Variants in ALCAM observed in about 807,000 individuals in gnomAD.
The protein encoded by ALCAM is activated leukocyte cell adhesion molecule, also known as CD166 antigen.
In ALCAM, 30 loss-of-function variants were observed where a neutral mutation model predicts 70.9. The observed-to-expected ratio is 0.42, with a 90% CI of 0.32 to 0.57. The LOEUF (loss-of-function observed/expected upper bound fraction) is 0.57, where lower values mean the gene tolerates loss of function less well. Among genes scored for constraint, ALCAM ranks in the 20% least tolerant of loss-of-function variants. ALCAM has a pLI of 0.11. For missense variants in ALCAM, 591 were observed against 695.1 expected (o/e 0.85, Z 1.68); for synonymous variants, 249 against 242.5 (o/e 1.03, Z -0.25).
intron 1 of ALCAM, among the ~76,000 whole-genome samples, chr3:105,454,641 A>G (rs1937508804): frequency 7.3e-6 from 1 of 136,412 alleles, no homozygotes. Flanking sequence ...GGCACATAGT[A>G]GATGCTCATT....
intron 1 of ALCAM, among the ~76,000 whole-genome samples, chr3:105,382,310 G>A (rs930835139): frequency 1.3e-5 from 2 of 151,928 alleles, no homozygotes; most frequent in African/African-American, 4.8e-5. Flanking sequence ...TGGTGTATAT[G>A]TGCCACATTT....
intron 1 of ALCAM, among the ~76,000 whole-genome samples, chr3:105,435,770 A>C (rs1937034859): frequency 6.6e-6 from 1 of 152,188 alleles, no homozygotes. Context: ...CCTGGGAAGA[A>C]AAAGAGGTTT....
intron 1 of ALCAM, among the ~76,000 whole-genome samples, chr3:105,387,593 C>G (rs750660023): frequency 6.6e-6 from 1 of 151,528 alleles, no homozygotes; most frequent in Non-Finnish European, 1.5e-5. Context: ...AGTGATTAAA[C>G]GGAAAAATAT....
chr3:105,450,446 C>G (rs1937399755), intron 1 of ALCAM, among the ~76,000 whole-genome samples: 1 of 152,164 alleles, frequency 6.6e-6, no homozygotes, highest in Non-Finnish European at 1.5e-5. Context: ...CATACACACA[C>G]TCCTTAGCAT....
intron 1 of ALCAM, among the ~76,000 whole-genome samples, chr3:105,479,979 A>G (rs1389296918): frequency 1.3e-5 from 2 of 152,170 alleles, no homozygotes; most frequent in African/African-American, 2.4e-5. Context: ...GCATCTTTAC[A>G]TTCCTTAATT....
chr3:105,555,270 C>T (rs1249156681), intron 14 of ALCAM, among the ~76,000 whole-genome samples: 1 of 152,026 alleles, frequency 6.6e-6, no homozygotes, highest in African/African-American at 2.4e-5. Flanking sequence ...AGTTCACCAA[C>T]TCTGACAGAG....
intron 1 of ALCAM, among the ~76,000 whole-genome samples, chr3:105,438,778 G>A (rs185739749): frequency 6.6e-5 from 10 of 152,256 alleles, no homozygotes; most frequent in Admixed American, 5.2e-4. Context: ...ACTTTGGGAA[G>A]CTGAGGATCT....
intron 1 of ALCAM, among the ~76,000 whole-genome samples, chr3:105,489,184 C>T (rs980239700): frequency 6.6e-6 from 1 of 152,104 alleles, no homozygotes; most frequent in Non-Finnish European, 1.5e-5. Context: ...GAGTGTTCTG[C>T]TCAAAATCAA....
At chr3:105,560,516 A>G (rs1220770915) in intron 14 of ALCAM, among the ~76,000 whole-genome samples, 1 of 152,132 alleles carries the variant, frequency 6.6e-6, no homozygotes, top group Non-Finnish European at 1.5e-5. Flanking sequence ...CTGTCTTTTG[A>G]TAAGCAGAAA....
At position 105,467,842 on chromosome 3, in the gene ALCAM, A is replaced by T. The variant is rs551160774; in HGVS notation, c.74-52225A>T. Among the ~76,000 whole-genome samples, 4 of 151,294 alleles carry T rather than the reference A, an allele frequency of 2.6e-5. No homozygotes were observed. The South Asian group carries it at 8.3e-4, about 31-fold the overall frequency. Reference sequence around the variant, plus strand: ...TGCAAAATAGCACTGTGGCTCATGTAATACTGTACATTTTTACCACTACTG... The same window carrying T: ...TGCAAAATAGCACTGTGGCTCATGTTATACTGTACATTTTTACCACTACTG... On this transcript the variant is annotated intron_variant, in intron 1 of 15. Transcript: ENST00000306107.
At chr3:105,412,484 G>A (rs1490462561) in intron 1 of ALCAM, among the ~76,000 whole-genome samples, 4 of 152,058 alleles carry the variant, frequency 2.6e-5, no homozygotes, top group African/African-American at 9.7e-5. Flanking sequence ...CTCAAATCTA[G>A]TAAAATTAGC....
intron 1 of ALCAM, among the ~76,000 whole-genome samples, chr3:105,436,329 G>A (rs1007792175): frequency 5.9e-5 from 9 of 151,992 alleles, no homozygotes; most frequent in African/African-American, 2.2e-4. Context: ...AGTGTAAACA[G>A]TTTATTTTAT....
At chr3:105,555,936 G>A (rs3772542) in intron 14 of ALCAM, among the ~76,000 whole-genome samples, 15,301 of 151,786 alleles carry the variant, frequency 0.1, 988 homozygotes, top group Middle Eastern at 0.17. Context: ...AGATGACTCT[G>A]ATTTTTTTCC....
intron 14 of ALCAM, among the ~76,000 whole-genome samples, chr3:105,559,632 C>T (rs1044085350): frequency 6.6e-6 from 1 of 152,026 alleles, no homozygotes; most frequent in African/African-American, 2.4e-5. Context: ...CACAAACATT[C>T]AGTATATAGC....
rs115509424 is a variant in ALCAM, at chr3:105,499,389, T to C, written c.74-20678T>C. On this transcript the variant is annotated intron_variant, in intron 1 of 15. Coordinates refer to ENST00000306107, the MANE Select transcript of ALCAM (RefSeq NM_001627.4). ...AAAAGGAAGAAATTATGTGACTCTT[T>C]CATACTATAATATTACCAGTTTGGA... 8.0e-3 allele frequency among the ~76,000 whole-genome samples: 1,222 copies of C among 152,320 alleles called. 14 individuals are homozygous for C. The highest frequency in any genetic ancestry group is 0.028 in the African/African-American group (1,168 of 41,568).
rs1212119124 is a variant in ALCAM, at chr3:105,532,039, G to A, written c.432G>A (p.Leu144=). Residue 144 remains leucine (L), a synonymous_variant, in exon 4 of 16, where the codon CTG becomes CTA. Coordinates refer to ENST00000306107, the MANE Select transcript of ALCAM (RefSeq NM_001627.4). ...AACCTGAAATTGTAAGCAAAGCACT[G>A]TTTCTCGAAACAGAGCAGCTAAAAA... ...PSKPEIVSKA[L]FLETEQLKKL... 5.6e-6 allele frequency: 9 copies of A among 1,613,418 alleles called. 1 individual carries two copies. In the South Asian group the frequency reaches 7.7e-5, roughly 14 times the overall value.
chr3:105,574,910 C>A lies in ALCAM; in HGVS notation c.*459C>A, dbSNP rs1940928653. The A allele has an allele frequency of 6.6e-6, 1 of 152,506 alleles. No individual in the cohort carries two copies. Among genetic ancestry groups the A allele is most frequent in the Non-Finnish European group, 1.5e-5 (1 of 68,002 alleles). 9.4% of individuals were successfully genotyped at this position (152,506 alleles called of 1,614,324 possible). A position where few individuals can be genotyped will look rare whatever the true frequency, so the allele number is the denominator to read the frequency against. ...ATTCTGATTGCTATCAGCAATGCCC[C>A]AAACTTTCTCATAAGCACCTAAAAC... On this transcript the variant is annotated 3_prime_UTR_variant, in exon 16 of 16. Transcript: ENST00000306107.
At chr3:105,438,224 A>C (rs543278404) in intron 1 of ALCAM, among the ~76,000 whole-genome samples, 1 of 152,172 alleles carries the variant, frequency 6.6e-6, no homozygotes, top group South Asian at 2.1e-4. Flanking sequence ...TCTAGTATAT[A>C]GTCTACACTA....
chr3:105,566,657 A>G (rs536914689), intron 14 of ALCAM, among the ~76,000 whole-genome samples: 1 of 152,150 alleles, frequency 6.6e-6, no homozygotes, highest in South Asian at 2.1e-4. Flanking sequence ...AAAACAATCT[A>G]CTCATGTTAA....
Sources: allele counts gnomAD v4.1 joint callset (sites outside exome capture counted in the v4.1 genomes callset), GRCh38; gene constraint gnomAD v4.1.1; transcripts MANE v1.5; gene names NCBI Gene and HGNC (gene_info 2026-07-23, HGNC 2026-07-21).